FSTL5: variants seen among roughly 807,000 people sequenced by gnomAD.
FSTL5 encodes follistatin-related protein 5.
FSTL5 carries 62 observed loss-of-function variants against 89.1 expected under a neutral mutation model. That is an observed-to-expected ratio of 0.70 (90% CI 0.57 to 0.86). The LOEUF (loss-of-function observed/expected upper bound fraction) is 0.86. Among genes scored for constraint, FSTL5 ranks in the 40% least tolerant of loss-of-function variants. The probability of loss-of-function intolerance (pLI) is 0.00; values close to 1 mark genes in which losing one functional copy is unlikely to be tolerated. For missense variants in FSTL5, 1,057 were observed against 1,001.6 expected, an observed-to-expected ratio of 1.06 and a Z score of -0.75; for synonymous variants, 383 against 346.2, an observed-to-expected ratio of 1.11 and a Z score of -1.18.
At position 162,000,549 on chromosome 4, in the gene FSTL5, G is replaced by A. The variant is rs138352305; in HGVS notation, c.160+33076C>T. On this transcript the variant is annotated intron_variant, in intron 3 of 15. Coordinates refer to ENST00000306100, the MANE Select transcript of FSTL5 (RefSeq NM_020116.5). ...GGAGGTGGAGGTTGCAGTGAGCCGA[G>A]ATCGCCCCACGATACTCCAGCCTGG... Among the ~76,000 whole-genome samples the A allele has an allele frequency of 3.1e-3, 468 of 151,150 alleles. 2 individuals carry two copies. The highest frequency in any genetic ancestry group is 0.011 in the African/African-American group (447 of 41,170).
At chr4:161,620,518 C>A (rs1444119657) in intron 7 of FSTL5, among the ~76,000 whole-genome samples, 1 of 151,770 alleles carries the variant, frequency 6.6e-6, no homozygotes, top group African/African-American at 2.4e-5. Context: ...TAGCCGGGCG[C>A]GGTGGCAGGC....
At chr4:162,158,584 T>TA (rs1302715723) in intron 1 of FSTL5, among the ~76,000 whole-genome samples, 10 of 152,106 alleles carry the variant, frequency 6.6e-5, no homozygotes, top group African/African-American at 2.2e-4. Context: ...TAAATAGAGG[T>TA]ACTAGACATG....
At position 161,413,415 on chromosome 4, in the gene FSTL5, A is replaced by T. The variant is rs565745684; in HGVS notation, c.1842-26966T>A. Among the ~76,000 whole-genome samples the T allele has an allele frequency of 3.9e-5, 6 of 152,250 alleles. No individual in the cohort carries two copies. In the East Asian group the frequency reaches 5.8e-4, roughly 15 times the overall value. On this transcript the variant is annotated intron_variant, in intron 15 of 15. Transcript: ENST00000306100. ...TCAGAATGGCCATTATTAAAAAGCC[A>T]AAAAACAACAGATGCTGGCAAGGTT...
intron 2 of FSTL5, among the ~76,000 whole-genome samples, chr4:162,061,435 A>G (rs1738714523): frequency 6.6e-6 from 1 of 152,166 alleles, no homozygotes; most frequent in Admixed American, 6.6e-5. Context: ...TCAGACACCC[A>G]GAGTGTTGGA....
At chr4:161,748,068 C>T (rs1273587422) in intron 6 of FSTL5, among the ~76,000 whole-genome samples, 1 of 151,822 alleles carries the variant, frequency 6.6e-6, no homozygotes, top group South Asian at 2.1e-4. Flanking sequence ...TTAACAAAAT[C>T]GAATAAAACA....
At chr4:162,001,762 T>C (rs1427593537) in intron 3 of FSTL5, among the ~76,000 whole-genome samples, 1 of 152,194 alleles carries the variant, frequency 6.6e-6, no homozygotes, top group Non-Finnish European at 1.5e-5. Flanking sequence ...CCAAAGCCAG[T>C]GCTCTCACCT....
At chr4:161,952,759 G>A (rs1043421700) in intron 3 of FSTL5, among the ~76,000 whole-genome samples, 4 of 151,788 alleles carry the variant, frequency 2.6e-5, no homozygotes, top group African/African-American at 9.7e-5. Context: ...TATTAATTGA[G>A]ACCTTTTAAT....
At chr4:162,002,622 C>A (rs1736497616) in intron 3 of FSTL5, among the ~76,000 whole-genome samples, 1 of 152,172 alleles carries the variant, frequency 6.6e-6, no homozygotes, top group Non-Finnish European at 1.5e-5. Context: ...TAGTTCTCTA[C>A]TTACAAAGAG....
intron 3 of FSTL5, among the ~76,000 whole-genome samples, chr4:161,947,911 T>C (rs950641609): frequency 6.8e-6 from 1 of 146,200 alleles, no homozygotes; most frequent in Non-Finnish European, 1.5e-5. Context: ...TTAACAGCTT[T>C]TCTTATATTT....
intron 6 of FSTL5, among the ~76,000 whole-genome samples, chr4:161,691,174 ATTTAAC>A (rs1465109722): frequency 1.3e-5 from 2 of 151,862 alleles, no homozygotes; most frequent in Non-Finnish European, 2.9e-5. Context: ...AATTCTATAG[ATTTAAC>A]TTTATTATTC....
In FSTL5 at chr4:161,386,258, A is replaced by G. The variant is rs753244290; in HGVS notation, c.2033T>C (p.Met678Thr). The G allele has an allele frequency of 4.3e-6, 7 of 1,614,016 alleles. No individual in the cohort carries two copies. The Admixed American group carries it at 8.3e-5, about 19-fold the overall frequency. The change falls in exon 16 of 16, where the codon ATG becomes ACG. Residue 678 changes from methionine (M) to threonine (T), a missense_variant. Around this residue, in one of 3 missense-constraint regions of FSTL5, gnomAD observed 980 missense variants for 903.2 expected, o/e 1.08. Coordinates refer to ENST00000306100, the MANE Select transcript of FSTL5 (RefSeq NM_020116.5). ...DSTGAVSPQV[M>T]VDGVTDSVIG... ...GACTGAGTCAGTTACACCGTCCACC[A>G]TGACCTGTGGGGAAACTGCTCCGGT...
In FSTL5 at chr4:162,148,798, A is replaced by G. The variant is rs753207436; in HGVS notation, c.-17+14817T>C. Reference sequence around the variant, plus strand: ...TCAGGCATTATTAACCTGCATTTCAATAAGAAGTGATCAACCATTTTTCAA... The same window carrying G: ...TCAGGCATTATTAACCTGCATTTCAGTAAGAAGTGATCAACCATTTTTCAA... On this transcript the variant is annotated intron_variant, in intron 1 of 15. Coordinates refer to ENST00000306100, the MANE Select transcript of FSTL5 (RefSeq NM_020116.5). Among the ~76,000 whole-genome samples, 7 of 152,188 alleles carry G rather than the reference A, an allele frequency of 4.6e-5. No homozygotes were observed. The South Asian group carries it at 6.2e-4, about 14-fold the overall frequency.
intron 6 of FSTL5, among the ~76,000 whole-genome samples, chr4:161,721,243 A>G (rs1156588041): frequency 7.6e-6 from 1 of 132,310 alleles, no homozygotes; most frequent in Non-Finnish European, 1.6e-5. Flanking sequence ...GCGCCACTGC[A>G]GTCCGCAGTC....
intron 3 of FSTL5, among the ~76,000 whole-genome samples, chr4:161,960,770 T>C (rs1735154120): frequency 6.6e-6 from 1 of 151,932 alleles, no homozygotes; most frequent in African/African-American, 2.4e-5. Context: ...CCAATACAAG[T>C]CTGATAGCAT....
At chr4:162,160,705 C>G (rs1395187978) in intron 1 of FSTL5, among the ~76,000 whole-genome samples, 1 of 151,448 alleles carries the variant, frequency 6.6e-6, no homozygotes, top group African/African-American at 2.4e-5. Flanking sequence ...AATTATTAGG[C>G]AAATAACTTC....
chr4:162,100,568 G>T (rs945566227), intron 2 of FSTL5, among the ~76,000 whole-genome samples: 1 of 152,136 alleles, frequency 6.6e-6, no homozygotes, highest in Non-Finnish European at 1.5e-5. Flanking sequence ...AAACTATTTT[G>T]TCTGATACTA....
intron 13 of FSTL5, among the ~76,000 whole-genome samples, chr4:161,470,817 T>C (rs1211347063): frequency 1.3e-5 from 2 of 152,124 alleles, no homozygotes; most frequent in African/African-American, 4.8e-5. Flanking sequence ...TCTTTGTTAA[T>C]CTCTACGTAT....
chr4:161,480,976 A>T, intron 13 of FSTL5, 44 bp downstream of exon 13: 1 of 1,353,730 alleles, frequency 7.4e-7, no homozygotes, highest in Non-Finnish European at 1.0e-6. Flanking sequence ...TGATATAAAT[A>T]TTTTTTAAAG....
At chr4:161,724,485 AG>A (rs1197835655) in intron 6 of FSTL5, among the ~76,000 whole-genome samples, 2 of 152,202 alleles carry the variant, frequency 1.3e-5, no homozygotes, top group African/African-American at 4.8e-5. Context: ...ATGTATATGA[AG>A]GAATATATAA....
Sources: gnomAD v4.1 joint callset for allele counts (sites outside exome capture counted in the v4.1 genomes callset) on GRCh38, gnomAD v4.1.1 for gene constraint, gnomAD v4.1.1 regional missense constraint, MANE v1.5 for transcripts, NCBI Gene and HGNC (gene_info 2026-07-23, HGNC 2026-07-21) for gene names.